Variants in PPP1R12A observed in about 807,000 individuals in gnomAD.
The protein encoded by PPP1R12A is protein phosphatase 1 regulatory subunit 12A, also known as myosin binding subunit.
PPP1R12A carries 19 observed loss-of-function variants against 139.6 expected under a neutral mutation model. The observed-to-expected ratio is 0.14, with a 90% CI of 0.09 to 0.20. The LOEUF (loss-of-function observed/expected upper bound fraction) is 0.20. PPP1R12A is among the 10% of genes least tolerant of loss of function. PPP1R12A has a pLI of 1.00. For missense variants in PPP1R12A, 925 were observed against 1,211.5 expected (o/e 0.76, Z 3.51); for synonymous variants, 427 against 420.6 (o/e 1.02, Z -0.19).
At chr12:79,803,457 A>G (rs181756670) in intron 14 of PPP1R12A, among the ~76,000 whole-genome samples, 1 of 152,234 alleles carries the variant, frequency 6.6e-6, no homozygotes, top group East Asian at 1.9e-4. Flanking sequence ...ATATAATTTT[A>G]TTCCTTAGAT....
chr12:79,805,569 GT>G (rs761621421), intron 14 of PPP1R12A, 22 bp downstream of exon 14: 60 of 1,608,058 alleles, frequency 3.7e-5, no homozygotes, highest in Non-Finnish European at 5.0e-5. Context: ...TATATCAGCA[GT>G]ACTGTTATGA....
chr12:79,816,894 C>A (rs963512897), intron 9 of PPP1R12A, among the ~76,000 whole-genome samples: 1 of 152,116 alleles, frequency 6.6e-6, no homozygotes, highest in Admixed American at 6.5e-5. Flanking sequence ...TACTGACATA[C>A]CAAAGTTGCC....
intron 5 of PPP1R12A, chr12:79,823,932 A>G (rs979805456): frequency 3.9e-5 from 6 of 152,148 alleles, no homozygotes; most frequent in African/African-American, 1.4e-4. Context: ...TGCTTTTTCA[A>G]AATAGGTGAG....
Position 79,817,529 on chromosome 12 carries a change from C to G in PPP1R12A, c.1115-11G>C, listed in dbSNP as rs1345118435. On this transcript the variant is annotated splice_polypyrimidine_tract_variant and intron_variant, in intron 8 of 24. Transcript: ENST00000450142. ...GGGGTTTTGTCTTATCTATTAAAGA[C>G]AAACAATTAAGAGTCAAGATTCCAT... 1 of 1,567,956 alleles carries G rather than the reference C, an allele frequency of 6.4e-7. No homozygotes were observed.
At chr12:79,785,550 A>G (rs1345099545) in intron 22 of PPP1R12A, among the ~76,000 whole-genome samples, 1 of 152,230 alleles carries the variant, frequency 6.6e-6, no homozygotes, top group Non-Finnish European at 1.5e-5. Context: ...TTTTAGATCC[A>G]TGCTTTCAGC....
intron 1 of PPP1R12A, among the ~76,000 whole-genome samples, chr12:79,892,660 G>C (rs552277920): frequency 6.6e-6 from 1 of 152,078 alleles, no homozygotes; most frequent in Non-Finnish European, 1.5e-5. Flanking sequence ...GGAAGTAATA[G>C]GGCAGAAATA....
At chr12:79,826,304 A>C (rs1427400596) in intron 5 of PPP1R12A, among the ~76,000 whole-genome samples, 1 of 150,704 alleles carries the variant, frequency 6.6e-6, no homozygotes, top group Non-Finnish European at 1.5e-5. Context: ...AAACCTTTAA[A>C]TTCTATGTAA....
At chr12:79,847,967 T>C (rs1458496613) in intron 2 of PPP1R12A, among the ~76,000 whole-genome samples, 1 of 152,162 alleles carries the variant, frequency 6.6e-6, no homozygotes, top group Non-Finnish European at 1.5e-5. Flanking sequence ...ACCCTCCCTC[T>C]AACAGTGGGT....
In PPP1R12A at chr12:79,930,935, T is replaced by C. The variant is rs374695810; in HGVS notation, c.237+3760A>G. On this transcript the variant is annotated intron_variant, in intron 1 of 24. Coordinates refer to ENST00000450142, the MANE Select transcript of PPP1R12A (RefSeq NM_002480.3). ...GGGAATGAGTAAACAATAACTAAAA[T>C]GTTTAACTTGATTCTAAAGATTAAT... Among the ~76,000 whole-genome samples the C allele has an allele frequency of 5.5e-4, 84 of 152,254 alleles. 1 individual carries two copies. The highest frequency in any genetic ancestry group is 6.8e-3 in the Middle Eastern group (2 of 294).
chr12:79,775,695 A>G lies in PPP1R12A; in HGVS notation c.*234T>C. ...AAAAAATCTTCTCAGCAGCTGCATTAACATGAAACAATGGTCTTGATTAAA... is the reference window on the plus strand; with the variant it reads ...AAAAAATCTTCTCAGCAGCTGCATTGACATGAAACAATGGTCTTGATTAAA... On this transcript the variant is annotated 3_prime_UTR_variant, in exon 25 of 25. Coordinates refer to ENST00000450142, the MANE Select transcript of PPP1R12A (RefSeq NM_002480.3). The G allele has an allele frequency of 3.2e-6, 1 of 313,064 alleles. No individual in the cohort carries two copies. The highest frequency in any genetic ancestry group is 7.5e-5 in the South Asian group (1 of 13,410). The allele number at this position is 313,064 out of a possible 1,614,324, so 19.4% of individuals were successfully genotyped here.
chr12:79,934,590 T>TC, intron 1 of PPP1R12A, 105 bp downstream of exon 1: 2 of 1,097,942 alleles, frequency 1.8e-6, no homozygotes, highest in Non-Finnish European at 2.5e-6. Context: ...GCAGGGAGTC[T>TC]CCCGCCGCCC....
At position 79,934,758 on chromosome 12, in the gene PPP1R12A, C is replaced by A; in HGVS notation, c.174G>T (p.Lys58Asn). The A allele has an allele frequency of 6.4e-7, 1 of 1,551,950 alleles. No homozygotes were observed. Among genetic ancestry groups the A allele is most frequent in the Non-Finnish European group, 8.7e-7 (1 of 1,147,248 alleles). ...CSSGDTDEVL[K>N]LLHRGADINY... The stretch of plus-strand genomic sequence containing the variant: ...TGATGTCGGCGCCGCGGTGCAGCAG[C>A]TTGAGGACCTCGTCCGTGTCGCCGC... Residue 58 changes from lysine (K) to asparagine (N), a missense_variant, in exon 1 of 25, where the codon AAG (lysine) becomes AAT (asparagine). Lys to Asn is a moderately conservative substitution (Grantham distance 94). Transcript: ENST00000450142.
At chr12:79,826,658 T>C (rs768744683) in intron 5 of PPP1R12A, among the ~76,000 whole-genome samples, 7 of 152,208 alleles carry the variant, frequency 4.6e-5, no homozygotes, top group Non-Finnish European at 7.3e-5. Context: ...CCTTCTCTGA[T>C]AGCAAAATTA....
chr12:79,867,220 C>G (rs185589762), intron 2 of PPP1R12A, among the ~76,000 whole-genome samples: 38 of 152,162 alleles, frequency 2.5e-4, no homozygotes, highest in Admixed American at 1.3e-3. Flanking sequence ...ATCACAAGAT[C>G]AGAAAACCAA....
chr12:79,791,015 CTG>C (rs1197614568), intron 19 of PPP1R12A, among the ~76,000 whole-genome samples: 1 of 152,098 alleles, frequency 6.6e-6, no homozygotes, highest in African/African-American at 2.4e-5. Flanking sequence ...TTACTAAAGT[CTG>C]TAAATTTCCT....
At chr12:79,897,556 T>A in intron 1 of PPP1R12A, among the ~76,000 whole-genome samples, 1 of 151,902 alleles carries the variant, frequency 6.6e-6, no homozygotes, top group East Asian at 1.9e-4. Context: ...AAAATCAGGT[T>A]ACCAAAAAGC....
At chr12:79,850,494 G>GA (rs145846751) in intron 2 of PPP1R12A, among the ~76,000 whole-genome samples, 1 of 152,102 alleles carries the variant, frequency 6.6e-6, no homozygotes, top group African/African-American at 2.4e-5. Flanking sequence ...CATCTTTTAA[G>GA]AAAAAATTTA....
intron 1 of PPP1R12A, among the ~76,000 whole-genome samples, chr12:79,925,781 C>G (rs964659539): frequency 2.0e-5 from 3 of 151,774 alleles, no homozygotes; most frequent in African/African-American, 7.3e-5. Flanking sequence ...GATAAACAAC[C>G]AAAACACTAA....
chr12:79,828,269 A>G, intron 5 of PPP1R12A, 51 bp downstream of exon 5: 2 of 1,474,632 alleles, frequency 1.4e-6, no homozygotes, highest in Middle Eastern at 1.8e-4. Flanking sequence ...TATACTTTCT[A>G]AAACTATATT....
Sources: gnomAD v4.1 joint callset for allele counts (sites outside exome capture counted in the v4.1 genomes callset) on GRCh38, gnomAD v4.1.1 for gene constraint, MANE v1.5 for transcripts, NCBI Gene and HGNC (gene_info 2026-07-23, HGNC 2026-07-21) for gene names.